The following UNC5CL variants were observed in gnomAD, a reference collection of about 807,000 sequenced individuals.
The protein encoded by UNC5CL is UNC5C-like protein.
Under a neutral mutation model 54.1 loss-of-function variants are expected in UNC5CL, and 42 were observed. The ratio of observed to expected loss-of-function variants is 0.78; its 90% CI spans 0.61 to 1.00. The LOEUF is 1.00. Ranked by LOEUF, UNC5CL falls within the 50% of genes least tolerant of loss-of-function variation. The pLI is 0.00. For synonymous variants in UNC5CL, 285 were observed against 285.1 expected (o/e 1.00, Z 0.00); for missense variants, 619 against 675.6 (o/e 0.92, Z 0.93).
rs557376912 is a variant in UNC5CL at position 41,029,373 on chromosome 6, C to T, written c.1335-778G>A. Among the ~76,000 whole-genome samples the T allele has an allele frequency of 2.0e-5, 3 of 152,310 alleles. No homozygotes were observed. The highest frequency in any genetic ancestry group is 1.9e-4 in the East Asian group (1 of 5,186). On this transcript the variant is annotated intron_variant, in intron 8 of 8. Coordinates refer to ENST00000244565, the MANE Select transcript of UNC5CL (RefSeq NM_173561.3). This position sits in a 1 kb window ranked among gnomAD's most constrained non-coding sequence, Gnocchi z 4.1. The stretch of plus-strand genomic sequence containing the variant: ...AGTTCAGACTTCTGGTCATAACGCC[C>T]GCAGTTCATTATTATTCTTGCTTCA...
In UNC5CL at chr6:41,035,257, C is replaced by G. The variant is rs565855295; in HGVS notation, c.-61-122G>C. 44 of 670,924 alleles carry G rather than the reference C, an allele frequency of 6.6e-5. No individual in the cohort carries two copies. The East Asian group carries it at 1.1e-3, about 17-fold the overall frequency. 41.6% of individuals were successfully genotyped at this position (670,924 alleles called of 1,614,324 possible). A position where few individuals can be genotyped will look rare whatever the true frequency, so the allele number is the denominator to read the frequency against. On this transcript the variant is annotated intron_variant, in intron 1 of 8. Coordinates refer to ENST00000244565, the MANE Select transcript of UNC5CL (RefSeq NM_173561.3). ...GCGCACACTGCACACTTTAGTCACA[C>G]CAATTCTTTTAACCTGTCTCTCTTA...
At position 41,027,071 on chromosome 6, in the gene UNC5CL, A is replaced by G. The variant is rs1442635991; in HGVS notation, c.*1302T>C. Reference sequence around the variant, plus strand: ...TTATTCTCTGTTCAGGACCCAGCCCATTCATGTCTTTTGTATACAGTATCA... The same window carrying G: ...TTATTCTCTGTTCAGGACCCAGCCCGTTCATGTCTTTTGTATACAGTATCA... On this transcript the variant is annotated 3_prime_UTR_variant, in exon 9 of 9. Coordinates refer to ENST00000244565, the MANE Select transcript of UNC5CL (RefSeq NM_173561.3). 1 of 152,216 alleles carries G rather than the reference A, an allele frequency of 6.6e-6. No homozygotes were observed. Among genetic ancestry groups the G allele is most frequent in the Non-Finnish European group, 1.5e-5 (1 of 68,034 alleles). 9.4% of individuals were successfully genotyped at this position (152,216 alleles called of 1,614,324 possible). A position where few individuals can be genotyped will look rare whatever the true frequency, so the allele number is the denominator to read the frequency against.
intron 1 of UNC5CL, among the ~76,000 whole-genome samples, chr6:41,037,147 G>A (rs376140093): frequency 5.9e-4 from 90 of 152,264 alleles, no homozygotes; most frequent in African/African-American, 1.8e-3. Context: ...CCTCCAGCTC[G>A]CGAAATCTCT....
rs547736424 is a variant in UNC5CL, at chr6:41,029,815, G to C, written c.1334+573C>G. Among the ~76,000 whole-genome samples, 3 of 152,082 alleles carry C rather than the reference G, an allele frequency of 2.0e-5. No individual in the cohort carries two copies. The highest frequency in any genetic ancestry group is 4.4e-5 in the Non-Finnish European group (3 of 68,026). On this transcript the variant is annotated intron_variant, in intron 8 of 8. Transcript: ENST00000244565. The surrounding 1 kb of genome is among the most constrained non-coding windows in gnomAD (Gnocchi z 4.1). Reference sequence around the variant, plus strand: ...TGCGCCATTGCACTCCAGCCTGGGCGACAGAGCAAGACTCCGTCTCAAATA... The same window carrying C: ...TGCGCCATTGCACTCCAGCCTGGGCCACAGAGCAAGACTCCGTCTCAAATA...
intron 1 of UNC5CL, among the ~76,000 whole-genome samples, chr6:41,038,238 T>C (rs1217765740): frequency 6.6e-6 from 1 of 152,134 alleles, no homozygotes; most frequent in Non-Finnish European, 1.5e-5. Flanking sequence ...CTCAGTTATG[T>C]GGTAATACCC....
In UNC5CL at chr6:41,034,960, G is replaced by C; in HGVS notation, c.115C>G (p.Leu39Val). ...TTCAGTGTCCAGCAGGCCCCCAGCA[G>C]CCTTCTAGGGCAGTGCCATCGAAGG... ...QCLRWHCPRR[L>V]LGACWTLNGQ... Residue 39 changes from leucine to valine, a missense_variant, in exon 2 of 9, where the codon CTG becomes GTG. Transcript: ENST00000244565. 6.2e-7 allele frequency: 1 copy of C among 1,612,656 alleles called. No homozygotes were observed. Among genetic ancestry groups the C allele is most frequent in the East Asian group, 2.2e-5 (1 of 44,852 alleles).
At chr6:41,033,715 T>C in intron 3 of UNC5CL, 166 bp downstream of exon 3, 1 of 738,246 alleles carries the variant, frequency 1.4e-6, no homozygotes, top group Non-Finnish European at 2.2e-6. Context: ...GAAAAACTGC[T>C]ACAAACATTA....
At chr6:41,037,542 T>G (rs960374906) in intron 1 of UNC5CL, among the ~76,000 whole-genome samples, 1 of 152,214 alleles carries the variant, frequency 6.6e-6, no homozygotes, top group Admixed American at 6.5e-5. Flanking sequence ...CTGAAGCCCC[T>G]TCCTAGTGCC....
chr6:41,028,125 G>A lies in UNC5CL; in HGVS notation c.*248C>T, dbSNP rs1762408989. 5.6e-6 allele frequency: 3 copies of A among 533,200 alleles called. No homozygotes were observed. The South Asian group carries it at 7.2e-5, about 13-fold the overall frequency. The allele number at this position is 533,200 out of a possible 1,614,324, so 33.0% of individuals were successfully genotyped here. ...CTGGTCAGTTTGGCAGGCTGGCCACGCTGAGGCCATCTCCTGGGCTCCTGC... is the reference window on the plus strand; with the variant it reads ...CTGGTCAGTTTGGCAGGCTGGCCACACTGAGGCCATCTCCTGGGCTCCTGC... On this transcript the variant is annotated 3_prime_UTR_variant, in exon 9 of 9. Coordinates refer to ENST00000244565, the MANE Select transcript of UNC5CL (RefSeq NM_173561.3). The surrounding 1 kb of genome is among the most constrained non-coding windows in gnomAD (Gnocchi z 4.3).
chr6:41,030,814 G>A, intron 6 of UNC5CL, 59 bp from the exon 7 acceptor site: 1 of 1,494,866 alleles, frequency 6.7e-7, no homozygotes. Context: ...CCCTGAGTAA[G>A]AAGCTGGAGT....
In UNC5CL at chr6:41,028,641, G is replaced by T. The variant is rs1561828583; in HGVS notation, c.1335-46C>A. 1.9e-6 allele frequency: 3 copies of T among 1,570,740 alleles called. No homozygotes were observed. The Admixed American group carries it at 5.1e-5, about 27-fold the overall frequency. On this transcript the variant is annotated intron_variant, in intron 8 of 8. Transcript: ENST00000244565. This position sits in a 1 kb window ranked among gnomAD's most constrained non-coding sequence, Gnocchi z 4.3. ...AAGAGAAGGGTGTAGGAGCAGGGAG[G>T]GGCTCCCCCCCTGCTGCAGGCTCCC...
At position 41,034,133 on chromosome 6, in the gene UNC5CL, C is replaced by T; in HGVS notation, c.434G>A (p.Trp145Ter). 1 of 1,613,634 alleles carries T rather than the reference C, an allele frequency of 6.2e-7. No homozygotes were observed. The highest frequency in any genetic ancestry group is 8.5e-7 in the Non-Finnish European group (1 of 1,179,764). Residue 145 changes from tryptophan to a stop codon, truncating the protein, a stop_gained, in exon 3 of 9, where the codon TGG (tryptophan) becomes TAG (stop). Coordinates refer to ENST00000244565, the MANE Select transcript of UNC5CL (RefSeq NM_173561.3). LOFTEE classifies it high-confidence loss of function. ...RQERVSLILV[W>*]DLSDAPSLSQ... is the part of the protein sequence containing the mutation. ...CAGCGATGGGGCGTCCGACAGGTCC[C>T]ACACCAGGATCAAAGACACCCGCTC...
In UNC5CL at chr6:41,034,845, A is replaced by C. The variant is rs1324579580; in HGVS notation, c.230T>G (p.Val77Gly). Residue 77 changes from valine to glycine, a missense_variant, in exon 2 of 9, where the codon GTT becomes GGT. Transcript: ENST00000244565. Reference protein sequence around the residue: ...QHLPATLPEMVAFYQELHTPT... With the variant: ...QHLPATLPEMGAFYQELHTPT... Reference sequence around the variant, plus strand: ...TGTGTGTAGCTCCTGGTAGAAGGCAACCATCTCTGGCAGTGTGGCTGGCAG... The same window carrying C: ...TGTGTGTAGCTCCTGGTAGAAGGCACCCATCTCTGGCAGTGTGGCTGGCAG... The C allele has an allele frequency of 3.7e-6, 6 of 1,614,094 alleles. No individual in the cohort carries two copies. In the African/African-American group the frequency reaches 8.0e-5, roughly 22 times the overall value.
intron 1 of UNC5CL, among the ~76,000 whole-genome samples, chr6:41,037,336 A>G (rs918978787): frequency 6.6e-6 from 1 of 152,230 alleles, no homozygotes; most frequent in Non-Finnish European, 1.5e-5. Context: ...AATGGAATTC[A>G]TTGGCTTGGT....
At position 41,035,392 on chromosome 6, in the gene UNC5CL, G is replaced by C. The variant is rs76161023; in HGVS notation, c.-61-257C>G. Among the ~76,000 whole-genome samples, 1,235 of 152,304 alleles carry C rather than the reference G, an allele frequency of 8.1e-3. 75 individuals carry two copies. The East Asian group carries it at 0.17, about 20-fold the overall frequency. ...AGAACATGAGTTCAAATGTCACCTT[G>C]GTCACTGTGGCTGGGTAAACTTATC... On this transcript the variant is annotated intron_variant, in intron 1 of 8. Coordinates refer to ENST00000244565, the MANE Select transcript of UNC5CL (RefSeq NM_173561.3).
chr6:41,033,808 C>A lies in UNC5CL; in HGVS notation c.686+73G>T, dbSNP rs1011905384. 12 of 1,506,572 alleles carry A rather than the reference C, an allele frequency of 8.0e-6. No homozygotes were observed. In the African/African-American group the frequency reaches 1.5e-4, roughly 19 times the overall value. 93.3% of individuals were successfully genotyped at this position (1,506,572 alleles called of 1,614,324 possible). ...TACAGAGAGATGAAGATAAGGCAGA[C>A]AGAGAAAGTGGGCAGGAAAGACAGT... On this transcript the variant is annotated intron_variant, in intron 3 of 8. Coordinates refer to ENST00000244565, the MANE Select transcript of UNC5CL (RefSeq NM_173561.3).
Position 41,034,176 on chromosome 6 carries a change from C to T in UNC5CL, c.391G>A (p.Val131Met), listed in dbSNP as rs375816673. The T allele has an allele frequency of 9.4e-6, 15 of 1,602,744 alleles. No individual in the cohort carries two copies. Among genetic ancestry groups the T allele is most frequent in the Non-Finnish European group, 1.0e-5 (12 of 1,173,684 alleles). ...GISLLIPPGA[V>M]AVGRQERVSL... is the part of the protein sequence containing the mutation. ...ACCCGCTCCTGGCGGCCCACAGCCA[C>T]AGCACCTGGCAGGGAGAGGGAGAGC... Residue 131 changes from valine (V) to methionine (M), a missense_variant, in exon 3 of 9, where the codon GTG (valine) becomes ATG (methionine). Transcript: ENST00000244565.
At chr6:41,033,689 G>C in intron 3 of UNC5CL, 192 bp downstream of exon 3, 1 of 634,620 alleles carries the variant, frequency 1.6e-6, no homozygotes, top group Non-Finnish European at 2.7e-6. Context: ...TGCAGTCATG[G>C]ACATGATTGA....
Position 41,030,513 on chromosome 6 carries a change from A to C in UNC5CL, c.1221-12T>G. 6.2e-7 allele frequency: 1 copy of C among 1,614,000 alleles called. No individual in the cohort carries two copies. Among genetic ancestry groups the C allele is most frequent in the Non-Finnish European group, 8.5e-7 (1 of 1,179,892 alleles). On this transcript the variant is annotated splice_polypyrimidine_tract_variant and intron_variant, in intron 7 of 8. Transcript: ENST00000244565. ...GCTCTGGGGGCAGCCTTAGGCAGGG[A>C]AAAGGGTGTTCTTGGAAGAAAGGGA...
Sources: allele counts gnomAD v4.1 joint callset (sites outside exome capture counted in the v4.1 genomes callset), GRCh38; gene constraint gnomAD v4.1.1; non-coding constraint Gnocchi (gnomAD v3.1); transcripts MANE v1.5; gene names NCBI Gene and HGNC (gene_info 2026-07-23, HGNC 2026-07-21).